Variants in NUP98 observed in about 807,000 individuals in gnomAD.
NUP98 encodes nuclear pore complex protein Nup98-Nup96.
Under a neutral mutation model 191.9 loss-of-function variants are expected in NUP98, and 26 were observed. The observed-to-expected ratio is 0.14, with a 90% CI of 0.10 to 0.19. The LOEUF (loss-of-function observed/expected upper bound fraction) is 0.19. NUP98 is among the 10% of genes least tolerant of loss of function. The pLI, the probability that NUP98 is intolerant of heterozygous loss-of-function variation, is 1.00. For synonymous variants in NUP98, 808 were observed against 778.4 expected, an observed-to-expected ratio of 1.04 and a Z score of -0.63; for missense variants, 1,941 against 2,178.8, an observed-to-expected ratio of 0.89 and a Z score of 2.17.
chr11:3,748,193 G>A (rs2080581049), intron 11 of NUP98, among the ~76,000 whole-genome samples: 1 of 152,150 alleles, frequency 6.6e-6, no homozygotes, highest in African/African-American at 2.4e-5. Flanking sequence ...AAGAATTATA[G>A]AGTCTTGGAA....
chr11:3,702,747 A>G lies in NUP98; in HGVS notation c.3228T>C (p.Ser1076=). The G allele has an allele frequency of 3.7e-6, 6 of 1,614,162 alleles. No individual in the cohort carries two copies. Among genetic ancestry groups the G allele is most frequent in the Middle Eastern group, 1.6e-4 (1 of 6,062 alleles). The change falls in exon 23 of 33, where the codon TCT becomes TCC. Residue 1076 remains serine (S), a synonymous_variant. Coordinates refer to ENST00000324932, the MANE Select transcript of NUP98 (RefSeq NM_016320.5). Reference sequence around the variant, plus strand: ...GGGCTGGGCTGGGCATTGTGAACACAGAAGTCAGGGGTGGAGGGACAGACC... The same window carrying G: ...GGGCTGGGCTGGGCATTGTGAACACGGAAGTCAGGGGTGGAGGGACAGACC... ...SSWSVPPPLT[S]VFTMPSPAPE... is the part of the protein sequence containing the mutation.
chr11:3,746,554 C>T (rs2080508515), intron 11 of NUP98, among the ~76,000 whole-genome samples: 1 of 151,700 alleles, frequency 6.6e-6, no homozygotes, highest in Non-Finnish European at 1.5e-5. Context: ...CATCCCTGGA[C>T]GATGACCCAT....
rs557623650 is a variant in NUP98, at chr11:3,723,665, GT to G, written c.1848-211del. Among the ~76,000 whole-genome samples the G allele has an allele frequency of 3.3e-5, 5 of 150,926 alleles. No homozygotes were observed. The South Asian group carries it at 1.0e-3, about 32-fold the overall frequency. On this transcript the variant is annotated intron_variant, in intron 15 of 32. Transcript: ENST00000324932. ...TCTCCTATATGGAATCAAATAATTG[GT>G]TAATTTTAAGATTAAAAACTGAAAA...
At chr11:3,792,198 A>C (rs202100520) in intron 1 of NUP98, among the ~76,000 whole-genome samples, 5,656 of 148,206 alleles carry the variant, frequency 0.038, 218 homozygotes, top group East Asian at 0.21. Flanking sequence ...AAAAAAAAAA[A>C]AAAAAAAAAA....
chr11:3,737,595 C>G (rs927482759), intron 12 of NUP98, among the ~76,000 whole-genome samples: 23 of 152,182 alleles, frequency 1.5e-4, no homozygotes, highest in African/African-American at 5.1e-4. Flanking sequence ...CCACTTCACT[C>G]TAGCCTAGGC....
intron 12 of NUP98, among the ~76,000 whole-genome samples, chr11:3,735,679 C>CT (rs374113646): frequency 1.8e-4 from 27 of 151,722 alleles, no homozygotes; most frequent in African/African-American, 5.8e-4. Flanking sequence ...AAGCCATAGT[C>CT]TTTGACTTCT....
intron 8 of NUP98, among the ~76,000 whole-genome samples, chr11:3,766,873 A>G (rs2081357649): frequency 6.6e-6 from 1 of 152,148 alleles, no homozygotes; most frequent in African/African-American, 2.4e-5. Context: ...TTTAAATTAT[A>G]TTACCACAGT....
At chr11:3,752,495 C>G (rs555655616) in intron 11 of NUP98, among the ~76,000 whole-genome samples, 1 of 149,498 alleles carries the variant, frequency 6.7e-6, no homozygotes, top group South Asian at 2.1e-4. Context: ...CCAGCCTGAA[C>G]GACAGAGTGA....
chr11:3,685,879 A>G, intron 29 of NUP98, 94 bp downstream of exon 29: 1 of 939,720 alleles, frequency 1.1e-6, no homozygotes, highest in Non-Finnish European at 1.7e-6. Context: ...ATTCTACACA[A>G]TTACTTGCTA....
At chr11:3,713,057 A>G (rs2079067960) in intron 19 of NUP98, among the ~76,000 whole-genome samples, 1 of 152,192 alleles carries the variant, frequency 6.6e-6, no homozygotes, top group Admixed American at 6.5e-5. Context: ...TCCTCTATCT[A>G]CCCAAGGGCC....
intron 2 of NUP98, among the ~76,000 whole-genome samples, chr11:3,779,637 G>A (rs1031570147): frequency 1.2e-3 from 33 of 27,138 alleles, no homozygotes; most frequent in South Asian, 3.5e-3. Flanking sequence ...GTGAAACGCC[G>A]TCTCAAAAAA....
rs190578866 is a variant in NUP98 at position 3,770,419 on chromosome 11, A to G, written c.784+1329T>C. On this transcript the variant is annotated intron_variant, in intron 7 of 32. Coordinates refer to ENST00000324932, the MANE Select transcript of NUP98 (RefSeq NM_016320.5). Reference sequence around the variant, plus strand: ...CCTGAGCCCAGGAAATCAGGGCTGTAGTGAGCCCTGATCACATCACTGCAC... The same window carrying G: ...CCTGAGCCCAGGAAATCAGGGCTGTGGTGAGCCCTGATCACATCACTGCAC... Among the ~76,000 whole-genome samples, 366 of 152,240 alleles carry G rather than the reference A, an allele frequency of 2.4e-3. 1 individual carries two copies. Among genetic ancestry groups the G allele is most frequent in the Non-Finnish European group, 3.8e-3 (260 of 68,014 alleles).
intron 15 of NUP98, among the ~76,000 whole-genome samples, chr11:3,723,763 A>C (rs1475048790): frequency 6.6e-6 from 1 of 151,590 alleles, no homozygotes. Flanking sequence ...TAATAATAAA[A>C]AACACTAGAA....
chr11:3,732,194 G>T (rs1238242177), intron 13 of NUP98, among the ~76,000 whole-genome samples: 1 of 152,150 alleles, frequency 6.6e-6, no homozygotes, highest in African/African-American at 2.4e-5. Context: ...GTTGCAGTAA[G>T]CCGAGATCGC....
At position 3,744,500 on chromosome 11, in the gene NUP98, G is replaced by A; in HGVS notation, c.1408+9C>T. The A allele has an allele frequency of 6.3e-7, 1 of 1,591,200 alleles. No homozygotes were observed. Among genetic ancestry groups the A allele is most frequent in the Non-Finnish European group, 8.5e-7 (1 of 1,173,566 alleles). ...TTAAGAAAAGCCTTCTAAAGTGACT[G>A]ACACTTACCTACTGGGGCCTGGGGG... On this transcript the variant is annotated intron_variant, in intron 12 of 32. Coordinates refer to ENST00000324932, the MANE Select transcript of NUP98 (RefSeq NM_016320.5).
intron 18 of NUP98, among the ~76,000 whole-genome samples, chr11:3,716,884 T>C (rs930113874): frequency 6.6e-6 from 1 of 151,822 alleles, no homozygotes; most frequent in Non-Finnish European, 1.5e-5. Context: ...TGTTTGGCTA[T>C]TTGGAGATTT....
chr11:3,720,924 T>C, intron 16 of NUP98, 99 bp from the exon 17 acceptor site: 2 of 614,410 alleles, frequency 3.3e-6, no homozygotes, highest in Admixed American at 3.0e-5. Flanking sequence ...AATGAAGAAT[T>C]TTCCAAACTA....
chr11:3,719,453 T>C lies in NUP98; in HGVS notation c.2358A>G (p.Leu786=), dbSNP rs562123636. ...CCACAGGTGGTTTTTGGTTATCATC[T>C]AAGTAGACAACTACTTCTTTCCTCC... The part of the protein sequence containing the change: ...HIRRKEVVVY[L]DDNQKPPVGE... Residue 786 remains leucine (L), a synonymous_variant, in exon 18 of 33, where the codon TTA becomes TTG. Coordinates refer to ENST00000324932, the MANE Select transcript of NUP98 (RefSeq NM_016320.5). The C allele has an allele frequency of 1.2e-6, 2 of 1,601,064 alleles. No homozygotes were observed. The highest frequency in any genetic ancestry group is 4.5e-5 in the East Asian group (2 of 44,112).
At position 3,712,745 on chromosome 11, in the gene NUP98, C is replaced by T. The variant is rs2079057693; in HGVS notation, c.2578-17G>A. Reference sequence around the variant, plus strand: ...ATGGGAGACCTAAGGAAGAGAAGAACCCCACAAAACAACTTAAACATTATG... The same window carrying T: ...ATGGGAGACCTAAGGAAGAGAAGAATCCCACAAAACAACTTAAACATTATG... On this transcript the variant is annotated splice_polypyrimidine_tract_variant and intron_variant, in intron 19 of 32. Coordinates refer to ENST00000324932, the MANE Select transcript of NUP98 (RefSeq NM_016320.5). 2.5e-6 allele frequency: 4 copies of T among 1,608,782 alleles called. No individual in the cohort carries two copies. Among genetic ancestry groups the T allele is most frequent in the East Asian group, 2.2e-5 (1 of 44,868 alleles).
Sources: allele counts gnomAD v4.1 joint callset (sites outside exome capture counted in the v4.1 genomes callset), GRCh38; gene constraint gnomAD v4.1.1; transcripts MANE v1.5; gene names NCBI Gene and HGNC (gene_info 2026-07-23, HGNC 2026-07-21).